USP6: variants seen among roughly 807,000 people sequenced by gnomAD.
The protein encoded by USP6 is ubiquitin carboxyl-terminal hydrolase 6.
In USP6, 128 loss-of-function variants were observed where a neutral mutation model predicts 175.7. That is an observed-to-expected ratio of 0.73 (90% CI 0.63 to 0.84). The LOEUF is 0.84. Among genes scored for constraint, USP6 ranks in the 40% least tolerant of loss-of-function variants. The probability of loss-of-function intolerance (pLI) is 0.00; values close to 1 mark genes in which losing one functional copy is unlikely to be tolerated. For missense variants in USP6, 1,498 were observed against 1,760.3 expected (o/e 0.85, Z 2.67); for synonymous variants, 562 against 630.6 (o/e 0.89, Z 1.63).
At chr17:5,151,591 A>G (rs2073774768) in intron 30 of USP6, among the ~76,000 whole-genome samples, 1 of 152,236 alleles carries the variant, frequency 6.6e-6, no homozygotes, top group South Asian at 2.1e-4. Flanking sequence ...CCAGATATCA[A>G]GATTTATTTC....
intron 35 of USP6, 146 bp from the exon 36 acceptor site, chr17:5,170,333 A>G (rs2074185539): frequency 1.6e-6 from 2 of 1,263,656 alleles, no homozygotes; most frequent in African/African-American, 1.5e-5. Flanking sequence ...TGGCTACACA[A>G]TAGGAACCAA....
rs559002657 is a variant in USP6, at chr17:5,151,881, A to G, written c.2643+3114A>G. 1.9e-4 allele frequency among the ~76,000 whole-genome samples: 29 copies of G among 152,360 alleles called. 1 individual carries two copies. In the South Asian group the frequency reaches 6.0e-3, roughly 32 times the overall value. ...AACAATGAAACAGCCCTTGGAAGAT[A>G]ATAATGGTGAATTCATTCCTGACAT... On this transcript the variant is annotated intron_variant, in intron 30 of 37. Coordinates refer to ENST00000574788, the MANE Select transcript of USP6 (RefSeq NM_001304284.2).
At chr17:5,149,600 C>G (rs1170379058) in intron 30 of USP6, among the ~76,000 whole-genome samples, 1 of 152,010 alleles carries the variant, frequency 6.6e-6, no homozygotes, top group African/African-American at 2.4e-5. Context: ...CCAACACACA[C>G]AAAATTTATG....
In USP6 at chr17:5,136,728, G is replaced by T; in HGVS notation, c.753G>T (p.Trp251Cys). ...CCAAGTCACAACCCAAGACCATGTG[G>T]CATCAGGTGAGTTTATGGTCCCCTC... Reference protein sequence around the residue: ...VVPKSQPKTMWHQDKEGLCGQ... With the variant: ...VVPKSQPKTMCHQDKEGLCGQ... The change falls in exon 18 of 38, where the codon TGG (tryptophan) becomes TGT (cysteine). Residue 251 changes from tryptophan to cysteine, a missense_variant. Coordinates refer to ENST00000574788, the MANE Select transcript of USP6 (RefSeq NM_001304284.2). The T allele has an allele frequency of 6.2e-7, 1 of 1,612,350 alleles. No homozygotes were observed. The highest frequency in any genetic ancestry group is 8.5e-7 in the Non-Finnish European group (1 of 1,179,740).
intron 31 of USP6, among the ~76,000 whole-genome samples, chr17:5,158,569 AAGAGAGAGAGGGAG>A (rs1355720416): frequency 7.4e-6 from 1 of 135,904 alleles, no homozygotes; most frequent in Non-Finnish European, 1.6e-5. Flanking sequence ...TCTGTCTCAA[AAGAGAGAGAGGGAG>A]AGAGAGAGAG....
intron 15 of USP6, 137 bp downstream of exon 15, chr17:5,134,133 CG>C (rs1355820050): frequency 2.2e-5 from 21 of 934,512 alleles, no homozygotes; most frequent in Admixed American, 2.0e-4. Context: ...AGGGAGCAGC[CG>C]GCACCATGAA....
At chr17:5,120,395 C>T (rs1277690143) in intron 2 of USP6, among the ~76,000 whole-genome samples, 2 of 152,116 alleles carry the variant, frequency 1.3e-5, no homozygotes, top group Non-Finnish European at 2.9e-5. Flanking sequence ...GGGTGAAGTC[C>T]AGTCCCGAGT....
At chr17:5,131,532 C>T (rs2073068249) in intron 11 of USP6, among the ~76,000 whole-genome samples, 1 of 150,616 alleles carries the variant, frequency 6.6e-6, no homozygotes, top group South Asian at 2.1e-4. Context: ...CCCCTGTTCT[C>T]CCCCATGTCC....
At chr17:5,118,135 C>T (rs1006256516) in intron 1 of USP6, 65 bp from the exon 2 acceptor site, 2 of 151,656 alleles carry the variant, frequency 1.3e-5, no homozygotes, top group African/African-American at 4.8e-5. Context: ...TTCACTTATT[C>T]TACCATAGTC....
At chr17:5,150,295 AAAATAAAT>A (rs201171351) in intron 30 of USP6, among the ~76,000 whole-genome samples, 2,550 of 138,866 alleles carry the variant, frequency 0.018, 97 homozygotes, top group East Asian at 0.16. Context: ...TCCGTCTAAA[AAAATAAAT>A]AAATAAATAA....
At chr17:5,159,858 G>A (rs1174532288) in intron 31 of USP6, among the ~76,000 whole-genome samples, 4 of 151,798 alleles carry the variant, frequency 2.6e-5, no homozygotes, top group Non-Finnish European at 5.9e-5. Flanking sequence ...AGCTACTTGG[G>A]AGGCTGATGT....
rs537715646 is a variant in USP6 at position 5,132,485 on chromosome 17, C to T, written c.195+50C>T. On this transcript the variant is annotated intron_variant, in intron 12 of 37. Transcript: ENST00000574788. This position sits in a 1 kb window ranked among gnomAD's most constrained non-coding sequence, Gnocchi z 4.7. ...CTGGTCCAGGGACGTAGGGACTGGG[C>T]GGGTGGTCAGTGAGGCAGAGGAAGC... is the stretch of plus-strand genomic sequence containing the variant. 8 of 1,611,888 alleles carry T rather than the reference C, an allele frequency of 5.0e-6. No homozygotes were observed. The South Asian group carries it at 5.5e-5, about 11-fold the overall frequency.
At chr17:5,171,129 G>T (rs1409517667) in intron 36 of USP6, among the ~76,000 whole-genome samples, 1 of 152,032 alleles carries the variant, frequency 6.6e-6, no homozygotes, top group Non-Finnish European at 1.5e-5. Context: ...CAGGAGGATC[G>T]CTTGAGCCCA....
intron 35 of USP6, 140 bp downstream of exon 35, chr17:5,169,195 A>G: frequency 3.8e-6 from 4 of 1,046,714 alleles, no homozygotes; most frequent in African/African-American, 3.2e-5. Context: ...TATTTGAGCT[A>G]TGTAAGTTGT....
rs537582556 is a variant in USP6 at position 5,159,958 on chromosome 17, C to T, written c.2829-1570C>T. Among the ~76,000 whole-genome samples, 648 of 124,056 alleles carry T rather than the reference C, an allele frequency of 5.2e-3. 6 individuals carry two copies. The highest frequency in any genetic ancestry group is 0.019 in the African/African-American group (559 of 30,148). The allele number at this position is 124,056 out of a possible 152,430, so 81.4% of individuals were successfully genotyped here. ...CAGCCTGGGCAACAGAGTGATACCC[C>T]GTCTCAAAAAAAAAAAAAAAAAATG... On this transcript the variant is annotated intron_variant, in intron 31 of 37. Coordinates refer to ENST00000574788, the MANE Select transcript of USP6 (RefSeq NM_001304284.2).
Position 5,133,569 on chromosome 17 carries a change from C to G in USP6, c.384+19C>G. 11 of 1,520,032 alleles carry G rather than the reference C, an allele frequency of 7.2e-6. No individual in the cohort carries two copies. The highest frequency in any genetic ancestry group is 9.8e-6 in the Non-Finnish European group (11 of 1,122,672). 94.2% of individuals were successfully genotyped at this position (1,520,032 alleles called of 1,614,324 possible). A position where few individuals can be genotyped will look rare whatever the true frequency, so the allele number is the denominator to read the frequency against. ...ATACCAGGTATGCTCAGCCAGAGCA[C>G]AACAAACAGGACAGGCCGTGTCAGG... On this transcript the variant is annotated intron_variant, in intron 14 of 37. Transcript: ENST00000574788.
intron 25 of USP6, 39 bp from the exon 26 acceptor site, chr17:5,144,651 G>A: frequency 6.2e-7 from 1 of 1,604,186 alleles, no homozygotes; most frequent in Non-Finnish European, 8.5e-7. Context: ...AAATTTTATG[G>A]GTAGGAAATA....
chr17:5,141,327 T>G (rs1485774015), intron 22 of USP6, 98 bp from the exon 23 acceptor site: 4 of 1,096,368 alleles, frequency 3.6e-6, no homozygotes, highest in Non-Finnish European at 5.3e-6. Flanking sequence ...AACTTCCGAT[T>G]TAGGAATAAG....
intron 13 of USP6, 32 bp downstream of exon 13, chr17:5,133,022 ACT>A (rs764373718): frequency 4.4e-6 from 7 of 1,608,660 alleles, no homozygotes; most frequent in African/African-American, 1.3e-5. Flanking sequence ...CCCTGGAAGC[ACT>A]CTCTGCAGAA....
Sources: allele counts gnomAD v4.1 joint callset (sites outside exome capture counted in the v4.1 genomes callset), GRCh38; gene constraint gnomAD v4.1.1; non-coding constraint Gnocchi (gnomAD v3.1); transcripts MANE v1.5; gene names NCBI Gene and HGNC (gene_info 2026-07-23, HGNC 2026-07-21).